Variants in DLG3 observed in about 807,000 individuals in gnomAD.
DLG3 encodes the protein disks large homolog 3.
DLG3 carries 1 observed loss-of-function variant against 64.1 expected under a neutral mutation model. That is an observed-to-expected ratio of 0.02 (90% CI 0.01 to 0.07). The LOEUF (loss-of-function observed/expected upper bound fraction) is 0.07, where lower values mean the gene tolerates loss of function less well. Among genes scored for constraint, DLG3 ranks in the 10% least tolerant of loss-of-function variants. DLG3 has a pLI of 1.00. For synonymous variants in DLG3, 245 were observed against 259.8 expected (o/e 0.94, Z 0.55); for missense variants, 429 against 669.5 (o/e 0.64, Z 3.96).
chrX:70,461,469 A>G (rs770203378), intron 9 of DLG3, among the ~76,000 whole-genome samples: 4 of 109,440 alleles, frequency 3.7e-5, no homozygotes, highest in African/African-American at 1.3e-4. Context: ...AGAACCAGGA[A>G]GATAACTACT....
chrX:70,487,771 C>T (rs2087281033), intron 10 of DLG3, among the ~76,000 whole-genome samples: 2 of 111,025 alleles, frequency 1.8e-5, no homozygotes, highest in South Asian at 3.9e-4. Context: ...CCTGCCTCAG[C>T]CTCCCGAGTA....
chrX:70,491,528 C>T (rs1303947367), intron 10 of DLG3, among the ~76,000 whole-genome samples: 1 of 112,505 alleles, frequency 8.9e-6, no homozygotes, highest in East Asian at 2.8e-4. Flanking sequence ...ATTTTTTCCT[C>T]CCTGAACCTC....
intron 10 of DLG3, among the ~76,000 whole-genome samples, chrX:70,490,598 C>A (rs1309207358): frequency 8.9e-6 from 1 of 112,287 alleles, no homozygotes; most frequent in East Asian, 2.8e-4. Flanking sequence ...GAGCTGTAAG[C>A]AGTAGGTGAG....
intron 9 of DLG3, among the ~76,000 whole-genome samples, chrX:70,477,435 C>T (rs1333496556): frequency 8.9e-6 from 1 of 111,922 alleles, no homozygotes; most frequent in African/African-American, 3.2e-5. Flanking sequence ...TGTAGAGGGC[C>T]AAGCCCTGGG....
intron 7 of DLG3, chrX:70,453,074 C>T (rs904288756): frequency 4.0e-5 from 9 of 222,982 alleles, no homozygotes; most frequent in African/African-American, 2.6e-4. Flanking sequence ...GCGCTGCAAC[C>T]CCCTGGGGCT....
intron 9 of DLG3, among the ~76,000 whole-genome samples, chrX:70,473,334 A>G (rs1054044941): frequency 9.1e-6 from 1 of 110,009 alleles, no homozygotes; most frequent in Non-Finnish European, 1.9e-5. Flanking sequence ...TGCTTTCTTC[A>G]CCAGCGCCCT....
chrX:70,502,100 TTGCTGGGTTTGGGGGATG>T, intron 18 of DLG3, 45 bp from the exon 19 acceptor site: 1 of 858,017 alleles, frequency 1.2e-6, no homozygotes, highest in East Asian at 3.3e-5. Context: ...AGAGGCAGGA[TTGCTGGGTTTGGGGGATG>T]TGCTATGGAC....
intron 12 of DLG3, among the ~76,000 whole-genome samples, chrX:70,495,036 G>A (rs749969617): frequency 2.7e-5 from 3 of 111,849 alleles, no homozygotes; most frequent in Non-Finnish European, 5.6e-5. Context: ...GTCAAAGCAG[G>A]TGCTCTAAGC....
At chrX:70,482,422 C>T (rs747736815) in intron 10 of DLG3, among the ~76,000 whole-genome samples, 54 of 111,505 alleles carry the variant, frequency 4.8e-4, no homozygotes, top group Non-Finnish European at 5.7e-4. Context: ...TTTAATAATC[C>T]TACAGAGTAG....
At chrX:70,453,922 C>T (rs978725083) in intron 8 of DLG3, 129 bp downstream of exon 8, 2 of 697,623 alleles carry the variant, frequency 2.9e-6, no homozygotes, top group Non-Finnish European at 2.1e-6. Context: ...GAAAACTTCT[C>T]TTGTTTTTAT....
At chrX:70,500,403 C>G in intron 16 of DLG3, 68 bp from the exon 17 acceptor site, 1 of 853,771 alleles carries the variant, frequency 1.2e-6, no homozygotes, top group Non-Finnish European at 1.7e-6. Flanking sequence ...TTTAGAATGT[C>G]ACTGGATTTC....
intron 1 of DLG3, among the ~76,000 whole-genome samples, chrX:70,445,919 C>CGGAGG (rs2086562372): frequency 4.4e-5 from 1 of 22,752 alleles, no homozygotes; most frequent in Admixed American, 6.5e-4. Flanking sequence ...GTGTCTCCAC[C>CGGAGG]GGAGGGGAGG....
chrX:70,460,303 A>C (rs1213016066), intron 9 of DLG3, among the ~76,000 whole-genome samples: 1 of 109,026 alleles, frequency 9.2e-6, no homozygotes, highest in Non-Finnish European at 1.9e-5. Flanking sequence ...AAAAAAAAAA[A>C]AAAACTCCCA....
intron 13 of DLG3, among the ~76,000 whole-genome samples, chrX:70,498,119 C>T (rs953048549): frequency 4.5e-5 from 5 of 112,068 alleles, no homozygotes; most frequent in South Asian, 7.5e-4. Flanking sequence ...TGTGCCCTGA[C>T]TCCCCTGCAT....
intron 9 of DLG3, among the ~76,000 whole-genome samples, chrX:70,475,465 C>T (rs1482902777): frequency 9.0e-6 from 1 of 111,504 alleles, no homozygotes; most frequent in East Asian, 2.8e-4. Context: ...TCAAGCGATT[C>T]TCCTGCCTCA....
At chrX:70,448,836 G>A in intron 1 of DLG3, 77 bp from the exon 2 acceptor site, 1 of 1,127,759 alleles carries the variant, frequency 8.9e-7, no homozygotes, top group Non-Finnish European at 1.2e-6. Context: ...GGGAGTAGGG[G>A]AGGAGGCAGG....
chrX:70,468,295 C>T (rs186429931), intron 9 of DLG3, among the ~76,000 whole-genome samples: 1,747 of 111,228 alleles, frequency 0.016, 14 homozygotes, highest in Non-Finnish European at 0.028. Flanking sequence ...GTCTCAAACT[C>T]CTGACCTCCG....
chrX:70,473,855 A>G (rs935016953), intron 9 of DLG3, among the ~76,000 whole-genome samples: 1 of 112,044 alleles, frequency 8.9e-6, no homozygotes, highest in African/African-American at 3.2e-5. Flanking sequence ...CGGCCTCCCA[A>G]AGCATTGGGA....
At chrX:70,457,963 C>T (rs769056637) in intron 9 of DLG3, among the ~76,000 whole-genome samples, 6 of 111,290 alleles carry the variant, frequency 5.4e-5, no homozygotes, top group Non-Finnish European at 1.1e-4. Context: ...GCAACCTCTG[C>T]CCCTCAAGCT....
Sources: allele counts gnomAD v4.1 joint callset (sites outside exome capture counted in the v4.1 genomes callset), GRCh38; gene constraint gnomAD v4.1.1; transcripts MANE v1.5; gene names NCBI Gene and HGNC (gene_info 2026-07-23, HGNC 2026-07-21).